The following ADAMTSL3 variants were observed in gnomAD, a reference collection of about 807,000 sequenced individuals.
The protein encoded by ADAMTSL3 is ADAMTS like 3.
ADAMTSL3 carries 128 observed loss-of-function variants against 201.7 expected under a neutral mutation model. The ratio of observed to expected loss-of-function variants is 0.63; its 90% CI spans 0.55 to 0.73. ADAMTSL3 has a LOEUF of 0.73. Among genes scored for constraint, ADAMTSL3 ranks in the 30% least tolerant of loss-of-function variants. ADAMTSL3 has a pLI of 0.00. For missense variants in ADAMTSL3, 1,990 were observed against 2,119.6 expected, an observed-to-expected ratio of 0.94 and a Z score of 1.20; for synonymous variants, 738 against 748.4, an observed-to-expected ratio of 0.99 and a Z score of 0.23.
chr15:83,755,746 G>A (rs2062709015), intron 3 of ADAMTSL3, among the ~76,000 whole-genome samples: 1 of 151,888 alleles, frequency 6.6e-6, no homozygotes, highest in Admixed American at 6.6e-5. Context: ...ATTTGTTTGA[G>A]TCCCTGCTTT....
intron 19 of ADAMTSL3, among the ~76,000 whole-genome samples, chr15:83,952,209 G>C (rs908969499): frequency 6.6e-6 from 1 of 151,864 alleles, no homozygotes; most frequent in African/African-American, 2.4e-5. Flanking sequence ...TTTCTTTATT[G>C]ACCCACTTGT....
intron 20 of ADAMTSL3, among the ~76,000 whole-genome samples, chr15:83,973,564 T>C (rs1262494882): frequency 6.6e-6 from 1 of 152,204 alleles, no homozygotes; most frequent in Non-Finnish European, 1.5e-5. Context: ...TTTATGCTAT[T>C]TTAGAGGGGC....
intron 17 of ADAMTSL3, among the ~76,000 whole-genome samples, chr15:83,927,167 A>C (rs1275579621): frequency 2.0e-5 from 3 of 150,146 alleles, no homozygotes; most frequent in Non-Finnish European, 3.0e-5. Context: ...CCCAGGCTGG[A>C]GTGCAATGGC....
intron 6 of ADAMTSL3, among the ~76,000 whole-genome samples, chr15:83,821,331 G>T (rs2063861479): frequency 6.6e-6 from 1 of 150,570 alleles, no homozygotes; most frequent in Non-Finnish European, 1.5e-5. Context: ...TGGAGGGAAG[G>T]TCAGCAGATA....
intron 3 of ADAMTSL3, among the ~76,000 whole-genome samples, chr15:83,732,840 G>T (rs2062303044): frequency 6.6e-6 from 1 of 152,054 alleles, no homozygotes; most frequent in East Asian, 1.9e-4. Flanking sequence ...TGTTTCTTTA[G>T]AAACCACCAG....
intron 3 of ADAMTSL3, among the ~76,000 whole-genome samples, chr15:83,734,531 C>G (rs2141615104): frequency 1.3e-5 from 2 of 152,266 alleles, no homozygotes; most frequent in South Asian, 4.1e-4. Context: ...GTTCCTTGAC[C>G]AAATAGCTGT....
chr15:83,785,657 C>G (rs921502806), intron 4 of ADAMTSL3, among the ~76,000 whole-genome samples: 1 of 152,152 alleles, frequency 6.6e-6, no homozygotes, highest in Non-Finnish European at 1.5e-5. Context: ...AGATCCTTCT[C>G]TATGGTAGGA....
chr15:83,812,018 A>G (rs957866859), intron 5 of ADAMTSL3, among the ~76,000 whole-genome samples: 3 of 152,196 alleles, frequency 2.0e-5, no homozygotes, highest in Non-Finnish European at 4.4e-5. Flanking sequence ...ATTCCTGCAC[A>G]GGAGAGATTA....
chr15:83,725,904 GTAT>G (rs1417755894), intron 3 of ADAMTSL3, among the ~76,000 whole-genome samples: 1 of 152,012 alleles, frequency 6.6e-6, no homozygotes, highest in East Asian at 1.9e-4. Flanking sequence ...AGAAATTTTA[GTAT>G]TATTTTTTCT....
In ADAMTSL3 at chr15:84,038,307, T is replaced by G. The variant is rs1344641747; in HGVS notation, c.*501T>G. 6.5e-6 allele frequency: 1 copy of G among 153,220 alleles called. No individual in the cohort carries two copies. Among genetic ancestry groups the G allele is most frequent in the Non-Finnish European group, 1.5e-5 (1 of 68,740 alleles). The allele number at this position is 153,220 out of a possible 1,614,324, so 9.5% of individuals were successfully genotyped here. On this transcript the variant is annotated 3_prime_UTR_variant, in exon 30 of 30. Coordinates refer to ENST00000286744, the MANE Select transcript of ADAMTSL3 (RefSeq NM_207517.3). ...GCATTAATGGCATTTTCATAGATCCTTGGTTTAGTCTGTGAAAAAGAAACC... is the reference window on the plus strand; with the variant it reads ...GCATTAATGGCATTTTCATAGATCCGTGGTTTAGTCTGTGAAAAAGAAACC...
intron 7 of ADAMTSL3, among the ~76,000 whole-genome samples, chr15:83,842,861 T>C (rs1268667495): frequency 2.0e-5 from 3 of 152,218 alleles, no homozygotes; most frequent in Non-Finnish European, 4.4e-5. Flanking sequence ...AGAGTTAGTG[T>C]TGGCCTTAGA....
At chr15:83,959,297 C>T (rs1004285237) in intron 19 of ADAMTSL3, among the ~76,000 whole-genome samples, 30 of 152,100 alleles carry the variant, frequency 2.0e-4, no homozygotes, top group African/African-American at 7.2e-4. Context: ...GGCTTAATGG[C>T]ACACTCCTGT....
intron 2 of ADAMTSL3, among the ~76,000 whole-genome samples, chr15:83,667,527 T>A (rs2061265639): frequency 6.6e-6 from 1 of 151,098 alleles, no homozygotes; most frequent in Admixed American, 6.6e-5. Flanking sequence ...GTTTTTTTTT[T>A]TTTTTTTTTT....
intron 19 of ADAMTSL3, among the ~76,000 whole-genome samples, chr15:83,957,835 G>A (rs920215169): frequency 5.3e-5 from 8 of 152,090 alleles, no homozygotes; most frequent in African/African-American, 1.9e-4. Context: ...ACACATATGT[G>A]GTAGTTGAAA....
At chr15:83,682,395 C>G (rs2061487612) in intron 2 of ADAMTSL3, among the ~76,000 whole-genome samples, 1 of 152,230 alleles carries the variant, frequency 6.6e-6, no homozygotes, top group East Asian at 1.9e-4. Context: ...GGGGACTCTA[C>G]TTGTCACACT....
chr15:83,786,318 T>C (rs2063262156), intron 4 of ADAMTSL3, among the ~76,000 whole-genome samples: 1 of 152,222 alleles, frequency 6.6e-6, no homozygotes, highest in Non-Finnish European at 1.5e-5. Context: ...TGGAGTTCTT[T>C]GTTTATTTTT....
intron 23 of ADAMTSL3, among the ~76,000 whole-genome samples, chr15:84,000,072 G>C (rs1268818920): frequency 6.7e-6 from 1 of 149,374 alleles, no homozygotes; most frequent in African/African-American, 2.5e-5. Flanking sequence ...AAAAAAAAAA[G>C]AACTATCTCT....
intron 21 of ADAMTSL3, among the ~76,000 whole-genome samples, chr15:83,985,282 G>A (rs1489205960): frequency 6.6e-6 from 1 of 151,966 alleles, no homozygotes; most frequent in Non-Finnish European, 1.5e-5. Flanking sequence ...TACAGTGGTG[G>A]ATACCAGTTT....
At position 83,979,834 on chromosome 15, in the gene ADAMTSL3, A is replaced by G. The variant is rs77382766; in HGVS notation, c.2645-2439A>G. ...CCTCTTGACCAGCAGCTTCCTGTCA[A>G]ATTGTCTTTCAGTGAAAGAAACTGG... is the stretch of plus-strand genomic sequence containing the variant. On this transcript the variant is annotated intron_variant, in intron 20 of 29. Coordinates refer to ENST00000286744, the MANE Select transcript of ADAMTSL3 (RefSeq NM_207517.3). Among the ~76,000 whole-genome samples, 1,280 of 152,314 alleles carry G rather than the reference A, an allele frequency of 8.4e-3. 15 individuals carry two copies. Among genetic ancestry groups the G allele is most frequent in the African/African-American group, 0.03 (1,233 of 41,570 alleles).
Sources: allele counts gnomAD v4.1 joint callset (sites outside exome capture counted in the v4.1 genomes callset), GRCh38; gene constraint gnomAD v4.1.1; transcripts MANE v1.5; gene names NCBI Gene and HGNC (gene_info 2026-07-23, HGNC 2026-07-21).